Variants in ZNF385C observed in about 807,000 individuals in gnomAD.
ZNF385C encodes zinc finger protein 385C, also known as CTD-2132N18.2.
In ZNF385C, 28 loss-of-function variants were observed where a neutral mutation model predicts 35.4. The ratio of observed to expected loss-of-function variants is 0.79; its 90% CI spans 0.59 to 1.08. The LOEUF (loss-of-function observed/expected upper bound fraction) is 1.08, where lower values mean the gene tolerates loss of function less well. Among genes scored for constraint, ZNF385C ranks in the 50% least tolerant of loss-of-function variants. ZNF385C has a pLI of 0.00. For missense variants in ZNF385C, 605 were observed against 595.6 expected (o/e 1.02, Z -0.16); for synonymous variants, 248 against 248.2 (o/e 1.00, Z 0.01).
intron 3 of ZNF385C, among the ~76,000 whole-genome samples, chr17:42,035,604 T>A (rs369360895): frequency 4.1e-5 from 6 of 144,682 alleles, no homozygotes; most frequent in South Asian, 4.4e-4. Flanking sequence ...CAGGCTGGAG[T>A]GCAGTGGCAT....
At chr17:42,068,535 T>G (rs2053580449) in intron 1 of ZNF385C, among the ~76,000 whole-genome samples, 1 of 152,106 alleles carries the variant, frequency 6.6e-6, no homozygotes, top group Non-Finnish European at 1.5e-5. Flanking sequence ...TTGGGGGGGA[T>G]AGGGTTTGAC....
At chr17:42,029,715 A>AAAAC (rs797043938) in intron 5 of ZNF385C, among the ~76,000 whole-genome samples, 1 of 151,858 alleles carries the variant, frequency 6.6e-6, no homozygotes, top group Non-Finnish European at 1.5e-5. Flanking sequence ...CGCCATCTCA[A>AAAAC]AAACAAACAA....
chr17:42,035,309 C>A (rs1317906521), intron 3 of ZNF385C, among the ~76,000 whole-genome samples: 7 of 151,728 alleles, frequency 4.6e-5, no homozygotes, highest in African/African-American at 1.7e-4. Flanking sequence ...CTTGGCATCT[C>A]TTGGTGCCCC....
At chr17:42,097,999 C>T (rs1555661100) in intron 1 of ZNF385C, among the ~76,000 whole-genome samples, 1 of 152,210 alleles carries the variant, frequency 6.6e-6, no homozygotes, top group African/African-American at 2.4e-5. Flanking sequence ...AACAGAAGCC[C>T]AGTTTGGGTC....
intron 1 of ZNF385C, among the ~76,000 whole-genome samples, chr17:42,094,476 G>C (rs1399340172): frequency 6.6e-6 from 1 of 152,184 alleles, no homozygotes; most frequent in Non-Finnish European, 1.5e-5. Flanking sequence ...GGGACAGAGA[G>C]AGAAGGGGTA....
In ZNF385C at chr17:42,050,249, C is replaced by T. The variant is rs1314127290; in HGVS notation, c.251-12364G>A. On this transcript the variant is annotated intron_variant, in intron 2 of 8. Coordinates refer to ENST00000692273, the MANE Select transcript of ZNF385C (RefSeq NM_001392013.1). The surrounding 1 kb of genome is among the most constrained non-coding windows in gnomAD (Gnocchi z 5.6). Reference sequence around the variant, plus strand: ...GCCCCAGAATGTGGGTCCCGAGCCTCCTCCCCGGGCTCCTGGGGGCCCCTT... The same window carrying T: ...GCCCCAGAATGTGGGTCCCGAGCCTTCTCCCCGGGCTCCTGGGGGCCCCTT... 1.3e-5 allele frequency among the ~76,000 whole-genome samples: 2 copies of T among 152,192 alleles called. No homozygotes were observed. Among genetic ancestry groups the T allele is most frequent in the Non-Finnish European group, 2.9e-5 (2 of 68,000 alleles).
At chr17:42,092,558 G>A (rs1392138553) in intron 1 of ZNF385C, among the ~76,000 whole-genome samples, 5 of 152,166 alleles carry the variant, frequency 3.3e-5, no homozygotes, top group Admixed American at 2.0e-4. Context: ...GGGGCCCCGA[G>A]CCCATCAGAG....
chr17:42,090,877 G>C (rs548857913), intron 1 of ZNF385C, among the ~76,000 whole-genome samples: 2 of 151,644 alleles, frequency 1.3e-5, no homozygotes, highest in Non-Finnish European at 2.9e-5. Context: ...GCGAGACTCC[G>C]TCTCAAAAAA....
chr17:42,043,149 C>G (rs1276396305), intron 2 of ZNF385C: 3 of 1,232,180 alleles, frequency 2.4e-6, no homozygotes, highest in Non-Finnish European at 3.0e-6. Flanking sequence ...CGTGGCGCAG[C>G]AGGGCGTGGC....
rs973324455 is a variant in ZNF385C at position 42,031,796 on chromosome 17, A to C, written c.511-12T>G. The C allele has an allele frequency of 3.2e-6, 5 of 1,549,396 alleles. No individual in the cohort carries two copies. The Admixed American group carries it at 9.8e-5, about 30-fold the overall frequency. Reference sequence around the variant, plus strand: ...GCCTCGGCCTGGTTCTGGGGAGGGGAGGGCAAGAGGTCACCATTCACTGGC... The same window carrying C: ...GCCTCGGCCTGGTTCTGGGGAGGGGCGGGCAAGAGGTCACCATTCACTGGC... On this transcript the variant is annotated splice_polypyrimidine_tract_variant and intron_variant, in intron 4 of 8. Transcript: ENST00000692273.
chr17:42,064,043 G>A (rs1213248040), intron 1 of ZNF385C, among the ~76,000 whole-genome samples: 1 of 141,242 alleles, frequency 7.1e-6, no homozygotes, highest in African/African-American at 2.6e-5. Context: ...CCCTGCCCCC[G>A]CCCTGTCCCC....
At chr17:42,092,544 T>C (rs998731715) in intron 1 of ZNF385C, among the ~76,000 whole-genome samples, 3 of 152,184 alleles carry the variant, frequency 2.0e-5, no homozygotes, top group Non-Finnish European at 4.4e-5. Context: ...GATGGATTCT[T>C]ACAGGGGCCC....
intron 3 of ZNF385C, among the ~76,000 whole-genome samples, chr17:42,035,259 TGCA>T (rs1203203270): frequency 3.9e-5 from 6 of 151,972 alleles, no homozygotes; most frequent in African/African-American, 1.2e-4. Flanking sequence ...CAGAGTGCCC[TGCA>T]TGTTTCTGGG....
intron 2 of ZNF385C, 33 bp from the exon 3 acceptor site, chr17:42,037,918 G>C: frequency 1.9e-6 from 3 of 1,544,052 alleles, no homozygotes; most frequent in South Asian, 1.2e-5. Flanking sequence ...GTCTGAAATG[G>C]GCTCTGTCCT....
chr17:42,065,710 A>G (rs1417291087), intron 1 of ZNF385C, among the ~76,000 whole-genome samples: 1 of 152,108 alleles, frequency 6.6e-6, no homozygotes, highest in Non-Finnish European at 1.5e-5. Flanking sequence ...TAAAATTTCA[A>G]TAGAGACAGG....
chr17:42,056,931 T>C (rs2053385002), intron 2 of ZNF385C, among the ~76,000 whole-genome samples: 1 of 152,044 alleles, frequency 6.6e-6, no homozygotes, highest in Non-Finnish European at 1.5e-5. Context: ...ATCAGCAGCA[T>C]GAAAATGGAC....
chr17:42,058,420 C>T (rs2053412995), intron 2 of ZNF385C, among the ~76,000 whole-genome samples: 2 of 152,222 alleles, frequency 1.3e-5, no homozygotes, highest in African/African-American at 2.4e-5. Flanking sequence ...ACCAATGCAG[C>T]GCATTCAAGG....
intron 1 of ZNF385C, among the ~76,000 whole-genome samples, chr17:42,092,230 T>C (rs1377493280): frequency 2.0e-5 from 3 of 151,974 alleles, no homozygotes; most frequent in Admixed American, 6.6e-5. Flanking sequence ...CAAAACCCTG[T>C]CTCTACTAAA....
At chr17:42,036,458 C>T (rs568625770) in intron 3 of ZNF385C, among the ~76,000 whole-genome samples, 239 of 151,938 alleles carry the variant, frequency 1.6e-3, no homozygotes, top group Non-Finnish European at 2.2e-3. Flanking sequence ...TTTGGGAGGC[C>T]GAGGTGGGAG....
Sources: allele counts gnomAD v4.1 joint callset (sites outside exome capture counted in the v4.1 genomes callset), GRCh38; gene constraint gnomAD v4.1.1; non-coding constraint Gnocchi (gnomAD v3.1); transcripts MANE v1.5; gene names NCBI Gene and HGNC (gene_info 2026-07-23, HGNC 2026-07-21).